Variants in NLGN1 observed in about 807,000 individuals in gnomAD.
NLGN1 encodes neuroligin 1, also known as neuroligin-1.
Under a neutral mutation model 65.5 loss-of-function variants are expected in NLGN1, and 12 were observed. The ratio of observed to expected loss-of-function variants is 0.18; its 90% CI spans 0.12 to 0.30. The LOEUF (loss-of-function observed/expected upper bound fraction) is 0.30. Ranked by LOEUF, NLGN1 falls within the 10% of genes least tolerant of loss-of-function variation. NLGN1 has a pLI of 1.00. For synonymous variants in NLGN1, 350 were observed against 359.5 expected (o/e 0.97, Z 0.30); for missense variants, 750 against 1,007.1 (o/e 0.74, Z 3.46).
At chr3:174,174,609 C>T (rs139113717) in intron 4 of NLGN1, among the ~76,000 whole-genome samples, 2 of 152,044 alleles carry the variant, frequency 1.3e-5, no homozygotes, top group African/African-American at 4.8e-5. Flanking sequence ...TGCTTGTTGA[C>T]CATTTGTATT....
intron 2 of NLGN1, among the ~76,000 whole-genome samples, chr3:173,507,278 G>T (rs1228464756): frequency 1.3e-5 from 2 of 152,024 alleles, no homozygotes; most frequent in African/African-American, 4.8e-5. Flanking sequence ...TTAACATTTT[G>T]TCACACTGAG....
At chr3:173,523,767 G>A (rs902601131) in intron 2 of NLGN1, among the ~76,000 whole-genome samples, 1 of 151,322 alleles carries the variant, frequency 6.6e-6, no homozygotes, top group Admixed American at 6.6e-5. Context: ...TGAAATTTTT[G>A]ATTGCTTTTT....
At chr3:173,894,065 C>T (rs1210480207) in intron 4 of NLGN1, among the ~76,000 whole-genome samples, 1 of 152,160 alleles carries the variant, frequency 6.6e-6, no homozygotes, top group East Asian at 1.9e-4. Flanking sequence ...CTCTTTCCTG[C>T]CATCCCTTGG....
chr3:173,859,019 T>C (rs186773437), intron 4 of NLGN1, among the ~76,000 whole-genome samples: 1 of 152,246 alleles, frequency 6.6e-6, no homozygotes. Context: ...TGTTTCTCTC[T>C]GTATTAAAAT....
At chr3:173,573,124 C>G (rs1744917948) in intron 2 of NLGN1, among the ~76,000 whole-genome samples, 1 of 152,190 alleles carries the variant, frequency 6.6e-6, no homozygotes, top group African/African-American at 2.4e-5. Context: ...CTCTGAGTTA[C>G]CACCCTTCAC....
chr3:173,782,082 A>C (rs1049543058), intron 3 of NLGN1, among the ~76,000 whole-genome samples: 2 of 135,312 alleles, frequency 1.5e-5, no homozygotes, highest in Admixed American at 7.9e-5. Flanking sequence ...TACTGTTGGA[A>C]GAGCTTTGGA....
At chr3:173,615,207 TA>T (rs1178526541) in intron 3 of NLGN1, among the ~76,000 whole-genome samples, 3 of 152,066 alleles carry the variant, frequency 2.0e-5, no homozygotes, top group Non-Finnish European at 4.4e-5. Flanking sequence ...TTTTATCAAT[TA>T]ATTGATTGAT....
At chr3:173,426,156 TG>T (rs1215109033) in intron 1 of NLGN1, among the ~76,000 whole-genome samples, 18 of 150,850 alleles carry the variant, frequency 1.2e-4, no homozygotes, top group African/African-American at 2.2e-4. Flanking sequence ...GAAATACTAC[TG>T]TTTGTTTGTG....
intron 3 of NLGN1, among the ~76,000 whole-genome samples, chr3:173,622,586 G>GAA (rs530414476): frequency 7.0e-6 from 1 of 143,440 alleles, no homozygotes; most frequent in African/African-American, 2.5e-5. Context: ...AAAAGAGGAG[G>GAA]AAAAAAAAAA....
In NLGN1 at chr3:174,279,162, G is replaced by A; in HGVS notation, c.1161G>A (p.Val387=). The change falls in exon 6 of 7, where the codon GTG becomes GTA. Residue 387 remains valine, a synonymous_variant. Coordinates refer to ENST00000457714, the Ensembl canonical transcript of NLGN1. This position sits in a 1 kb window ranked among gnomAD's most constrained non-coding sequence, Gnocchi z 4.7. The stretch of plus-strand genomic sequence containing the variant: ...TCAACTATGATATAATGTTAGGAGT[G>A]AACCAAGGGGAAGGGTTAAAATTTG... 1 of 1,613,378 alleles carries A rather than the reference G, an allele frequency of 6.2e-7. No homozygotes were observed. Among genetic ancestry groups the A allele is most frequent in the Middle Eastern group, 1.7e-4 (1 of 6,058 alleles).
intron 4 of NLGN1, among the ~76,000 whole-genome samples, chr3:174,263,929 T>A (rs1312130350): frequency 6.6e-6 from 1 of 151,168 alleles, no homozygotes; most frequent in Non-Finnish European, 1.5e-5. Context: ...ATTTTATTTC[T>A]CCTTCACTTA....
At chr3:174,134,620 T>C (rs115028797) in intron 4 of NLGN1, among the ~76,000 whole-genome samples, 2,190 of 152,206 alleles carry the variant, frequency 0.014, 54 homozygotes, top group African/African-American at 0.051. Flanking sequence ...TGTGAAGTAG[T>C]GAGAGAAACT....
chr3:173,681,867 T>G (rs910364543), intron 3 of NLGN1, among the ~76,000 whole-genome samples: 1 of 152,210 alleles, frequency 6.6e-6, no homozygotes, highest in African/African-American at 2.4e-5. Flanking sequence ...ATTGTACTTC[T>G]GTTGATGGTT....
chr3:174,196,153 A>T (rs1733372610), intron 4 of NLGN1, among the ~76,000 whole-genome samples: 1 of 152,196 alleles, frequency 6.6e-6, no homozygotes, highest in African/African-American at 2.4e-5. Flanking sequence ...TTCACTTAAC[A>T]AGCATAATTT....
At chr3:174,162,043 C>G (rs1577160740) in intron 4 of NLGN1, among the ~76,000 whole-genome samples, 1 of 151,762 alleles carries the variant, frequency 6.6e-6, no homozygotes, top group African/African-American at 2.4e-5. Flanking sequence ...CAAACAATGA[C>G]AGTTAACTCC....
intron 4 of NLGN1, among the ~76,000 whole-genome samples, chr3:174,142,915 T>C (rs1383781454): frequency 6.6e-6 from 1 of 152,144 alleles, no homozygotes; most frequent in African/African-American, 2.4e-5. Context: ...GGTGATTGCA[T>C]CTGCTTCTGG....
intron 4 of NLGN1, among the ~76,000 whole-genome samples, chr3:174,012,958 G>A (rs71310567): frequency 6.6e-6 from 1 of 152,204 alleles, no homozygotes; most frequent in African/African-American, 2.4e-5. Context: ...AAGTGAATCA[G>A]ACAGTGAGGA....
At chr3:173,872,185 G>T (rs909175346) in intron 4 of NLGN1, among the ~76,000 whole-genome samples, 1 of 152,172 alleles carries the variant, frequency 6.6e-6, no homozygotes, top group Non-Finnish European at 1.5e-5. Context: ...CGTGGTAAAT[G>T]GCAGGCACAT....
intron 4 of NLGN1, among the ~76,000 whole-genome samples, chr3:173,830,015 GGA>G (rs1491039482): frequency 6.9e-5 from 10 of 144,470 alleles, no homozygotes; most frequent in South Asian, 2.2e-4. Flanking sequence ...TGTGGGGGGG[GGA>G]GGGAGAGAAT....
Sources: allele counts gnomAD v4.1 joint callset (sites outside exome capture counted in the v4.1 genomes callset), GRCh38; gene constraint gnomAD v4.1.1; non-coding constraint Gnocchi (gnomAD v3.1); transcripts MANE v1.5; gene names NCBI Gene and HGNC (gene_info 2026-07-23, HGNC 2026-07-21).